The following NAV1 variants were observed in gnomAD, a reference collection of about 807,000 sequenced individuals.
NAV1 encodes pore membrane and/or filament interacting like protein 3.
A neutral mutation model predicts 175.2 loss-of-function variants in NAV1; 18 were observed. The observed-to-expected ratio is 0.10, with a 90% CI of 0.07 to 0.15. The LOEUF is 0.15. NAV1 is among the 10% of genes least tolerant of loss of function. NAV1 has a pLI of 1.00. For synonymous variants in NAV1, 897 were observed against 978.7 expected (o/e 0.92, Z 1.56); for missense variants, 1,731 against 2,436.6 (o/e 0.71, Z 6.10).
At position 201,609,056 on chromosome 1, in the gene NAV1, A is replaced by G. The variant is rs115883930; in HGVS notation, c.-32-13797A>G. ...TTGCTTGCCCCGCTTTTCAGATGGC[A>G]AAGCTAAGGCCTAGGGACTGAGTAA... On this transcript the variant is annotated intron_variant, in intron 2 of 33. Transcript: ENST00000685211. Among the ~76,000 whole-genome samples, 390 of 152,340 alleles carry G rather than the reference A, an allele frequency of 2.6e-3. 2 individuals carry two copies. Among genetic ancestry groups the G allele is most frequent in the African/African-American group, 8.9e-3 (372 of 41,576 alleles).
intron 1 of NAV1, among the ~76,000 whole-genome samples, chr1:201,553,851 T>G (rs1225847887): frequency 1.3e-5 from 2 of 152,258 alleles, no homozygotes; most frequent in African/African-American, 4.8e-5. Context: ...CTTCTTTTAA[T>G]TTCTGACGTA....
At chr1:201,616,530 C>A (rs1361270397) in intron 2 of NAV1, among the ~76,000 whole-genome samples, 1 of 152,010 alleles carries the variant, frequency 6.6e-6, no homozygotes, top group Non-Finnish European at 1.5e-5. Flanking sequence ...TGTTGTTGCC[C>A]AGGCTGGAGT....
At chr1:201,800,837 T>G (rs908901695) in intron 15 of NAV1, among the ~76,000 whole-genome samples, 173 of 147,952 alleles carry the variant, frequency 1.2e-3, no homozygotes, top group African/African-American at 4.2e-3. Context: ...TTTTTTTTTT[T>G]TTTTAGACAG....
At chr1:201,747,726 G>T (rs1673859683) in intron 3 of NAV1, among the ~76,000 whole-genome samples, 1 of 152,206 alleles carries the variant, frequency 6.6e-6, no homozygotes, top group African/African-American at 2.4e-5. Flanking sequence ...TTCATGTTCT[G>T]GAAGTTTTTG....
chr1:201,810,109 AGTCTTT>A lies in NAV1; in HGVS notation c.4561+9_4561+14del. ...AACATATCAGTCTCCCTCAAAGGTC[AGTCTTT>A]GTCTCTTGGGGTGAGGTGGTGTGGC... is the stretch of plus-strand genomic sequence containing the variant. On this transcript the variant is annotated splice_donor_5th_base_variant and intron_variant, in intron 23 of 29. Coordinates refer to ENST00000367296, the Ensembl canonical transcript of NAV1. This position sits in a 1 kb window ranked among gnomAD's most constrained non-coding sequence, Gnocchi z 6.0. 6.2e-7 allele frequency: 1 copy of A among 1,613,428 alleles called. No individual in the cohort carries two copies. Among genetic ancestry groups the A allele is most frequent in the Non-Finnish European group, 8.5e-7 (1 of 1,179,626 alleles).
At chr1:201,549,196 C>T (rs1458164791) in intron 1 of NAV1, among the ~76,000 whole-genome samples, 2 of 149,060 alleles carry the variant, frequency 1.3e-5, no homozygotes, top group African/African-American at 5.0e-5. Flanking sequence ...TTCCTTCCTT[C>T]CTTCTTTCTT....
chr1:201,559,899 C>T (rs963081971), intron 1 of NAV1, among the ~76,000 whole-genome samples: 1 of 152,162 alleles, frequency 6.6e-6, no homozygotes, highest in Middle Eastern at 3.2e-3. Flanking sequence ...GCAGGCAGCT[C>T]GCAGCTCTGC....
intron 1 of NAV1, among the ~76,000 whole-genome samples, chr1:201,692,418 G>C (rs540087382): frequency 6.6e-6 from 1 of 152,338 alleles, no homozygotes; most frequent in African/African-American, 2.4e-5. Context: ...TTTTTTCAAT[G>C]TGTGTTAAAG....
chr1:201,756,402 G>A (rs1674466022), intron 3 of NAV1, among the ~76,000 whole-genome samples: 1 of 152,098 alleles, frequency 6.6e-6, no homozygotes, highest in South Asian at 2.1e-4. Flanking sequence ...TAATTCTGGA[G>A]CAAAACCATT....
chr1:201,739,863 G>A, intron 3 of NAV1: 1 of 1,281,294 alleles, frequency 7.8e-7, no homozygotes, highest in Non-Finnish European at 9.9e-7. Flanking sequence ...AAGCCCTGGT[G>A]GTGGGGAGAA....
intron 22 of NAV1, 53 bp from the exon 27 acceptor site, chr1:201,809,893 T>C: frequency 6.5e-7 from 1 of 1,539,506 alleles, no homozygotes; most frequent in Non-Finnish European, 8.9e-7. Flanking sequence ...TGTTGTGGCT[T>C]TTACACCTGT....
chr1:201,592,610 G>C (rs1214639053), intron 2 of NAV1, among the ~76,000 whole-genome samples: 2 of 152,102 alleles, frequency 1.3e-5, no homozygotes, highest in Non-Finnish European at 2.9e-5. Flanking sequence ...TTGAAGAATG[G>C]GGGCCCTGGC....
intron 2 of NAV1, among the ~76,000 whole-genome samples, chr1:201,613,728 G>A (rs1288299304): frequency 4.6e-5 from 7 of 152,150 alleles, no homozygotes; most frequent in Admixed American, 4.6e-4. Flanking sequence ...CAGGCATGGT[G>A]GCACACGCCT....
At chr1:201,745,780 A>G (rs1407355936) in intron 3 of NAV1, among the ~76,000 whole-genome samples, 2 of 152,224 alleles carry the variant, frequency 1.3e-5, no homozygotes, top group Non-Finnish European at 2.9e-5. Flanking sequence ...TTTCCTATAA[A>G]GAAGAGCTGC....
intron 17 of NAV1, among the ~76,000 whole-genome samples, chr1:201,805,808 A>T (rs1241417890): frequency 6.6e-6 from 1 of 152,020 alleles, no homozygotes; most frequent in Non-Finnish European, 1.5e-5. Flanking sequence ...CTGTGGTCCC[A>T]GCTACTTGGG....
chr1:201,706,102 G>T (rs998497137), intron 1 of NAV1, among the ~76,000 whole-genome samples: 1 of 152,174 alleles, frequency 6.6e-6, no homozygotes, highest in Non-Finnish European at 1.5e-5. Flanking sequence ...TCCCAAAGAC[G>T]TTTGACTCAT....
At chr1:201,585,284 C>T (rs1421363741) in intron 1 of NAV1, among the ~76,000 whole-genome samples, 1 of 152,100 alleles carries the variant, frequency 6.6e-6, no homozygotes, top group African/African-American at 2.4e-5. Flanking sequence ...CTGTGACTTG[C>T]AAATTATTCT....
chr1:201,578,053 CT>C (rs1666743902), intron 1 of NAV1, among the ~76,000 whole-genome samples: 1 of 152,138 alleles, frequency 6.6e-6, no homozygotes, highest in South Asian at 2.1e-4. Flanking sequence ...AAGTTTTCAA[CT>C]ATTTTTTCTT....
At chr1:201,560,912 G>A (rs575586654) in intron 1 of NAV1, among the ~76,000 whole-genome samples, 1 of 152,240 alleles carries the variant, frequency 6.6e-6, no homozygotes, top group East Asian at 1.9e-4. Context: ...CAGACAGTGG[G>A]CTCAGGGAAC....
Sources: allele counts gnomAD v4.1 joint callset (sites outside exome capture counted in the v4.1 genomes callset), GRCh38; gene constraint gnomAD v4.1.1; non-coding constraint Gnocchi (gnomAD v3.1); transcripts MANE v1.5; gene names NCBI Gene and HGNC (gene_info 2026-07-23, HGNC 2026-07-21).